The following RTTN variants were observed in gnomAD, a reference collection of about 807,000 sequenced individuals.
The protein encoded by RTTN is rotatin.
A neutral mutation model predicts 269.2 loss-of-function variants in RTTN; 182 were observed. That is an observed-to-expected ratio of 0.68 (90% CI 0.60 to 0.76). The LOEUF (loss-of-function observed/expected upper bound fraction) is 0.76. RTTN is among the 30% of genes least tolerant of loss of function. RTTN has a pLI of 0.00. For synonymous variants in RTTN, 1,006 were observed against 963.5 expected (o/e 1.04, Z -0.82); for missense variants, 2,545 against 2,608.6 (o/e 0.98, Z 0.53).
intron 28 of RTTN, among the ~76,000 whole-genome samples, chr18:70,094,242 C>T (rs2058934404): frequency 6.6e-6 from 1 of 152,030 alleles, no homozygotes; most frequent in Non-Finnish European, 1.5e-5. Context: ...TTTTCCAAAA[C>T]ACCAGCTCCT....
At chr18:70,057,121 G>A (rs1452377460) in intron 37 of RTTN, among the ~76,000 whole-genome samples, 1 of 152,174 alleles carries the variant, frequency 6.6e-6, no homozygotes, top group African/African-American at 2.4e-5. Flanking sequence ...ACATCTCAAA[G>A]CAAGAGATAT....
At chr18:70,116,482 A>C (rs2059605521) in intron 26 of RTTN, among the ~76,000 whole-genome samples, 1 of 152,052 alleles carries the variant, frequency 6.6e-6, no homozygotes, top group Non-Finnish European at 1.5e-5. Flanking sequence ...AACCTCAGCA[A>C]TACCACTTGT....
chr18:70,052,495 A>C (rs1679906442), intron 38 of RTTN, among the ~76,000 whole-genome samples: 1 of 152,172 alleles, frequency 6.6e-6, no homozygotes, highest in African/African-American at 2.4e-5. Flanking sequence ...CTAAGTATAG[A>C]GCTTACTGTT....
Position 70,097,221 on chromosome 18 carries a change from G to C in RTTN, c.3904-4417C>G, listed in dbSNP as rs73964498. 3.3e-5 allele frequency among the ~76,000 whole-genome samples: 5 copies of C among 152,250 alleles called. 1 individual carries two copies. Among genetic ancestry groups the C allele is most frequent in the Admixed American group, 3.3e-4 (5 of 15,298 alleles). On this transcript the variant is annotated intron_variant, in intron 28 of 48. Transcript: ENST00000640769. The stretch of plus-strand genomic sequence containing the variant: ...AAGTCTCATTTCACAGCTACAAAAA[G>C]CAAATACTCATATTCAAATTTCACT...
chr18:70,146,883 A>G (rs988468407), intron 17 of RTTN, among the ~76,000 whole-genome samples: 1 of 152,186 alleles, frequency 6.6e-6, no homozygotes, highest in African/African-American at 2.4e-5. Flanking sequence ...CAGAGGACTA[A>G]TAAGTCAGGC....
At chr18:70,120,194 C>T (rs1249255724) in intron 26 of RTTN, among the ~76,000 whole-genome samples, 1 of 140,574 alleles carries the variant, frequency 7.1e-6, no homozygotes, top group Non-Finnish European at 1.6e-5. Flanking sequence ...GCCCCCTCAC[C>T]ACATATACCC....
At position 70,205,265 on chromosome 18, in the gene RTTN, T is replaced by C; in HGVS notation, c.82A>G (p.Lys28Glu). 1 of 1,614,192 alleles carries C rather than the reference T, an allele frequency of 6.2e-7. No homozygotes were observed. Among genetic ancestry groups the C allele is most frequent in the Non-Finnish European group, 8.5e-7 (1 of 1,180,024 alleles). The change falls in exon 2 of 49, where the codon AAG (lysine) becomes GAG (glutamate). Residue 28 changes from lysine to glutamate, a missense_variant. Coordinates refer to ENST00000640769, the MANE Select transcript of RTTN (RefSeq NM_173630.4). ...RERALKSILCKIEHNLICYAD... is the reference protein window; with the variant it reads ...RERALKSILCEIEHNLICYAD... ...TAGCAGATTAAGTTGTGCTCAATCT[T>C]GCAGAGAATACTCTTGAGAGCGCGC...
At chr18:70,175,049 A>AC (rs1396675784) in intron 11 of RTTN, among the ~76,000 whole-genome samples, 2 of 149,362 alleles carry the variant, frequency 1.3e-5, no homozygotes, top group Admixed American at 6.6e-5. Context: ...CAAAACCAAA[A>AC]AAAAAAAAAA....
At chr18:70,043,418 AT>A (rs900495952) in intron 40 of RTTN, among the ~76,000 whole-genome samples, 28 of 152,154 alleles carry the variant, frequency 1.8e-4, no homozygotes, top group African/African-American at 6.8e-4. Flanking sequence ...AAGGGAACCC[AT>A]TTTGGCAGGG....
At chr18:70,204,542 C>T (rs2062029376) in intron 2 of RTTN, among the ~76,000 whole-genome samples, 1 of 152,100 alleles carries the variant, frequency 6.6e-6, no homozygotes. Context: ...TAATGGGTTA[C>T]TTTTTTCCAC....
chr18:70,185,452 T>C (rs2061523890), intron 10 of RTTN, among the ~76,000 whole-genome samples: 1 of 152,146 alleles, frequency 6.6e-6, no homozygotes, highest in African/African-American at 2.4e-5. Flanking sequence ...ATCAAAACTT[T>C]CAACAAACTA....
At chr18:70,096,542 ACAGT>A (rs1441776058) in intron 28 of RTTN, among the ~76,000 whole-genome samples, 2 of 152,042 alleles carry the variant, frequency 1.3e-5, no homozygotes, top group African/African-American at 4.8e-5. Context: ...TTTCCTTCTA[ACAGT>A]CAGGCCCCTC....
At chr18:70,079,345 TTAAC>T (rs918836569) in intron 32 of RTTN, among the ~76,000 whole-genome samples, 2 of 152,114 alleles carry the variant, frequency 1.3e-5, no homozygotes, top group African/African-American at 4.8e-5. Flanking sequence ...TATTTTTTAT[TTAAC>T]TAAGCATTAA....
At chr18:70,025,241 T>C (rs1271829893) in intron 43 of RTTN, among the ~76,000 whole-genome samples, 1 of 152,108 alleles carries the variant, frequency 6.6e-6, no homozygotes, top group Non-Finnish European at 1.5e-5. Context: ...TTGCCCACCC[T>C]CTCTCCCTCT....
intron 38 of RTTN, among the ~76,000 whole-genome samples, chr18:70,052,746 TA>T (rs2057710556): frequency 6.6e-6 from 1 of 151,308 alleles, no homozygotes; most frequent in Non-Finnish European, 1.5e-5. Context: ...ATTTAAAACT[TA>T]TTTTTTTCAG....
intron 46 of RTTN, among the ~76,000 whole-genome samples, chr18:70,011,740 G>A (rs1283283473): frequency 7.0e-6 from 1 of 142,160 alleles, no homozygotes; most frequent in Admixed American, 7.6e-5. Context: ...TCTGGCCAGG[G>A]CAATCAGGCA....
chr18:70,053,737 A>G (rs1003463246), intron 38 of RTTN, among the ~76,000 whole-genome samples: 4 of 152,252 alleles, frequency 2.6e-5, no homozygotes, highest in African/African-American at 9.6e-5. Context: ...CAAAATATAT[A>G]TACATTTCAA....
chr18:70,196,522 C>T lies in RTTN; in HGVS notation c.820G>A (p.Gly274Ser). The change falls in exon 7 of 49, where the codon GGT becomes AGT. Residue 274 changes from glycine to serine, a missense_variant. Physicochemically the swap from Gly to Ser is moderately conservative, Grantham distance 56. Transcript: ENST00000640769. ...ATACCGTGTTTATTGGAGAAAAAAC[C>T]TGGATCTCGGTGAAAGTTAAGTCTG... ...RNRLNFHRDP[G>S]FFSNKHDTVS... The T allele has an allele frequency of 6.2e-7, 1 of 1,610,642 alleles. No homozygotes were observed. The highest frequency in any genetic ancestry group is 8.5e-7 in the Non-Finnish European group (1 of 1,179,134).
intron 28 of RTTN, among the ~76,000 whole-genome samples, chr18:70,107,142 A>C (rs2145416496): frequency 1.3e-5 from 2 of 152,324 alleles, no homozygotes; most frequent in East Asian, 3.9e-4. Flanking sequence ...TGTTGCGGAG[A>C]AGCCCATGCC....
Sources: allele counts gnomAD v4.1 joint callset (sites outside exome capture counted in the v4.1 genomes callset), GRCh38; gene constraint gnomAD v4.1.1; transcripts MANE v1.5; gene names NCBI Gene and HGNC (gene_info 2026-07-23, HGNC 2026-07-21).